The following CPQ variants were observed in gnomAD, a reference collection of about 807,000 sequenced individuals.
CPQ encodes the protein Ser-Met dipeptidase.
A neutral mutation model predicts 45.7 loss-of-function variants in CPQ; 37 were observed. The observed-to-expected ratio is 0.81, with a 90% CI of 0.62 to 1.07. CPQ has a LOEUF of 1.07. Among genes scored for constraint, CPQ ranks in the 50% least tolerant of loss-of-function variants. The pLI is 0.00. For missense variants in CPQ, 537 were observed against 572.9 expected, an observed-to-expected ratio of 0.94 and a Z score of 0.64; for synonymous variants, 186 against 205.8, an observed-to-expected ratio of 0.90 and a Z score of 0.82.
intron 1 of CPQ, among the ~76,000 whole-genome samples, chr8:96,704,038 G>T (rs1360380905): frequency 6.6e-6 from 1 of 152,140 alleles, no homozygotes; most frequent in Non-Finnish European, 1.5e-5. Flanking sequence ...CATACTTTCA[G>T]TTCTTAAGTA....
intron 4 of CPQ, among the ~76,000 whole-genome samples, chr8:96,903,319 A>G (rs1812536336): frequency 6.6e-6 from 1 of 152,234 alleles, no homozygotes; most frequent in Non-Finnish European, 1.5e-5. Context: ...ATAGTTCTTA[A>G]CAGCACTTCA....
chr8:96,875,246 T>C (rs989383816), intron 3 of CPQ, among the ~76,000 whole-genome samples: 3 of 151,992 alleles, frequency 2.0e-5, no homozygotes, highest in Non-Finnish European at 4.4e-5. Context: ...GATATATGCT[T>C]TGTAAAAGTT....
intron 7 of CPQ, among the ~76,000 whole-genome samples, chr8:97,119,671 G>T (rs1226345081): frequency 6.6e-6 from 1 of 152,136 alleles, no homozygotes; most frequent in African/African-American, 2.4e-5. Context: ...CTCAGTGGGG[G>T]ATTACTTAGA....
intron 4 of CPQ, among the ~76,000 whole-genome samples, chr8:96,882,018 G>A (rs1377977119): frequency 2.6e-5 from 4 of 152,206 alleles, no homozygotes; most frequent in African/African-American, 9.7e-5. Flanking sequence ...ATGAAGGAAA[G>A]GGTGAAGAGT....
At chr8:96,870,860 G>A (rs559967856) in intron 3 of CPQ, among the ~76,000 whole-genome samples, 1 of 152,032 alleles carries the variant, frequency 6.6e-6, no homozygotes, top group South Asian at 2.1e-4. Flanking sequence ...TAAATCTGTG[G>A]CGTTGAGGGA....
chr8:97,137,506 G>A (rs1424507102), intron 7 of CPQ, among the ~76,000 whole-genome samples: 1 of 152,208 alleles, frequency 6.6e-6, no homozygotes, highest in East Asian at 1.9e-4. Flanking sequence ...GTGGGGTCCA[G>A]AGAGCATGTA....
intron 3 of CPQ, among the ~76,000 whole-genome samples, chr8:96,873,640 A>G (rs1409658160): frequency 6.6e-6 from 1 of 151,780 alleles, no homozygotes; most frequent in Non-Finnish European, 1.5e-5. Context: ...TATGGAAACA[A>G]AAGACTATAC....
chr8:97,087,297 A>G (rs1586534749), intron 7 of CPQ, among the ~76,000 whole-genome samples: 1 of 152,194 alleles, frequency 6.6e-6, no homozygotes, highest in Non-Finnish European at 1.5e-5. Flanking sequence ...TACGCGGGAC[A>G]GAAGGAATGG....
chr8:97,120,135 T>C (rs1321467046), intron 7 of CPQ, among the ~76,000 whole-genome samples: 5 of 152,162 alleles, frequency 3.3e-5, no homozygotes, highest in African/African-American at 1.2e-4. Context: ...ACCTCCTTTT[T>C]CCCCAAGAAT....
At chr8:96,753,162 C>T (rs1410944937) in intron 1 of CPQ, among the ~76,000 whole-genome samples, 1 of 151,890 alleles carries the variant, frequency 6.6e-6, no homozygotes, top group African/African-American at 2.4e-5. Context: ...TAGAGTAGTC[C>T]ATTTTTTCCA....
chr8:96,784,982 T>A lies in CPQ; in HGVS notation c.85T>A (p.Ser29Thr). 1 of 1,613,858 alleles carries A rather than the reference T, an allele frequency of 6.2e-7. No homozygotes were observed. Among genetic ancestry groups the A allele is most frequent in the Admixed American group, 1.7e-5 (1 of 59,964 alleles). ...SGKAICKNGI[S>T]KRTFEEIKEE... is the part of the protein sequence containing the mutation. ...GAAAGCTATATGCAAGAATGGCATC[T>A]CTAAGAGGACTTTTGAAGAAATAAA... Residue 29 changes from serine (S) to threonine (T), a missense_variant, in exon 2 of 8, where the codon TCT (serine) becomes ACT (threonine). By Grantham distance (58) the Ser-to-Thr change is moderately conservative (BLOSUM62 1). Transcript: ENST00000220763.
rs1470564309 is a variant in CPQ at position 96,854,556 on chromosome 8, A to ACACAC, written c.641+19376_641+19377insCACAC. Among the ~76,000 whole-genome samples the ACACAC allele has an allele frequency of 1.0e-4, 14 of 134,340 alleles. 3 individuals carry two copies. Among genetic ancestry groups the ACACAC allele is most frequent in the Non-Finnish European group, 2.1e-4 (13 of 62,360 alleles). 88.1% of individuals were successfully genotyped at this position (134,340 alleles called of 152,430 possible). Reference sequence around the variant, plus strand: ...AAAAAAAAAAAAAAAAAAAAAAAAAAAAATGTGGTGGAACTAAAAGCCCAG... The same window carrying ACACAC: ...AAAAAAAAAAAAAAAAAAAAAAAAAACACACAAATGTGGTGGAACTAAAAGCCCAG... On this transcript the variant is annotated intron_variant, in intron 3 of 7. Transcript: ENST00000220763.
At chr8:96,772,903 A>G (rs1423527266) in intron 1 of CPQ, among the ~76,000 whole-genome samples, 1 of 152,188 alleles carries the variant, frequency 6.6e-6, no homozygotes, top group Non-Finnish European at 1.5e-5. Flanking sequence ...CATGGAGTGT[A>G]AAGAAAAGTG....
At chr8:96,993,533 A>G (rs1313826298) in intron 5 of CPQ, among the ~76,000 whole-genome samples, 1 of 152,190 alleles carries the variant, frequency 6.6e-6, no homozygotes, top group Non-Finnish European at 1.5e-5. Context: ...TAGGCTTCAT[A>G]TCACAAAGTT....
chr8:96,758,482 A>T (rs988588041), intron 1 of CPQ, among the ~76,000 whole-genome samples: 1 of 152,234 alleles, frequency 6.6e-6, no homozygotes, highest in African/African-American at 2.4e-5. Flanking sequence ...TGGAATTTTT[A>T]TACTCATAGT....
At chr8:96,685,455 G>A (rs2464493) in intron 1 of CPQ, among the ~76,000 whole-genome samples, 106,404 of 151,354 alleles carry the variant, frequency 0.7, 37,812 homozygotes, top group Middle Eastern at 0.82. Context: ...AGTTATCAAG[G>A]TTTTTTTGTT....
At chr8:96,759,932 A>G (rs1197839591) in intron 1 of CPQ, among the ~76,000 whole-genome samples, 1 of 152,126 alleles carries the variant, frequency 6.6e-6, no homozygotes, top group Non-Finnish European at 1.5e-5. Flanking sequence ...CCCCCGTTAC[A>G]TAGAGGGGAA....
chr8:96,867,445 C>T (rs926242649), intron 3 of CPQ, among the ~76,000 whole-genome samples: 5 of 151,322 alleles, frequency 3.3e-5, no homozygotes, highest in African/African-American at 4.9e-5. Context: ...CTTTATAGTC[C>T]GGTTGGTAGA....
At chr8:96,662,786 A>G (rs559214906) in intron 1 of CPQ, among the ~76,000 whole-genome samples, 9 of 152,202 alleles carry the variant, frequency 5.9e-5, no homozygotes, top group Admixed American at 3.3e-4. Flanking sequence ...CCGGGAGTTC[A>G]ACACTAACCT....
Sources: allele counts gnomAD v4.1 joint callset (sites outside exome capture counted in the v4.1 genomes callset), GRCh38; gene constraint gnomAD v4.1.1; transcripts MANE v1.5; gene names NCBI Gene and HGNC (gene_info 2026-07-23, HGNC 2026-07-21).